The following LRP6 variants were observed in gnomAD, a reference collection of about 807,000 sequenced individuals.
The protein encoded by LRP6 is LDL receptor related protein 6, also known as low-density lipoprotein receptor-related protein 6.
Under a neutral mutation model 184.1 loss-of-function variants are expected in LRP6, and 43 were observed. That is an observed-to-expected ratio of 0.23 (90% CI 0.18 to 0.30). The LOEUF is 0.30. Ranked by LOEUF, LRP6 falls within the 10% of genes least tolerant of loss-of-function variation. The probability of loss-of-function intolerance (pLI) is 1.00; values close to 1 mark genes in which losing one functional copy is unlikely to be tolerated. For missense variants in LRP6, 1,571 were observed against 2,005.3 expected (o/e 0.78, Z 4.14); for synonymous variants, 719 against 684.9 (o/e 1.05, Z -0.78).
chr12:12,232,400 A>T (rs1049778197), intron 2 of LRP6, among the ~76,000 whole-genome samples: 6 of 151,548 alleles, frequency 4.0e-5, no homozygotes, highest in Admixed American at 1.3e-4. Context: ...AAAAAAAAAA[A>T]TTTAAGTGGT....
At chr12:12,159,264 T>A (rs1862681710) in intron 11 of LRP6, 109 bp from the exon 12 acceptor site, 1 of 781,424 alleles carries the variant, frequency 1.3e-6, no homozygotes, top group Admixed American at 2.5e-5. Context: ...ATATAAAACA[T>A]TACATTGTAA....
Position 12,196,528 on chromosome 12 carries a change from G to C in LRP6, c.647+6675C>G, listed in dbSNP as rs183106905. On this transcript the variant is annotated intron_variant, in intron 3 of 22. Transcript: ENST00000261349. The stretch of plus-strand genomic sequence containing the variant: ...GTTGTTTGTGTATAGAAATGCTACT[G>C]ATCTTTTTGTGTTGATTTTGTATCC... Among the ~76,000 whole-genome samples, 5 of 151,356 alleles carry C rather than the reference G, an allele frequency of 3.3e-5. No homozygotes were observed. The East Asian group carries it at 9.7e-4, about 29-fold the overall frequency.
Position 12,116,387 on chromosome 12 carries a change from TG to T in LRP6, c.*4738del, listed in dbSNP as rs1218870148. 6.6e-6 allele frequency: 1 copy of T among 152,242 alleles called. No individual in the cohort carries two copies. The highest frequency in any genetic ancestry group is 2.4e-5 in the African/African-American group (1 of 41,464). 9.4% of individuals were successfully genotyped at this position (152,242 alleles called of 1,614,324 possible). A position where few individuals can be genotyped will look rare whatever the true frequency, so the allele number is the denominator to read the frequency against. ...TAAGGCTAGTCCAGTTTAATCTTCT[TG>T]GTATCCTCTCTACTTTTTAACATTT... On this transcript the variant is annotated 3_prime_UTR_variant, in exon 23 of 23. Transcript: ENST00000261349.
chr12:12,228,387 A>G (rs535600946), intron 2 of LRP6, among the ~76,000 whole-genome samples: 3 of 152,274 alleles, frequency 2.0e-5, no homozygotes, highest in Admixed American at 2.0e-4. Flanking sequence ...AGAGAACCTA[A>G]CAGGAAGAGA....
rs1949587036 is a variant in LRP6, at chr12:12,120,230, A to G, written c.*896T>C. The G allele has an allele frequency of 6.6e-6, 1 of 151,754 alleles. No homozygotes were observed. The highest frequency in any genetic ancestry group is 1.5e-5 in the Non-Finnish European group (1 of 67,944). 9.4% of individuals were successfully genotyped at this position (151,754 alleles called of 1,614,324 possible). ...TGTCTAACTTTTGATCATTATGCAA[A>G]AACAGCAGTCAAATTGAAGAGCTAA... On this transcript the variant is annotated 3_prime_UTR_variant, in exon 23 of 23. Transcript: ENST00000261349.
At position 12,120,074 on chromosome 12, in the gene LRP6, G is replaced by C. The variant is rs1349296499; in HGVS notation, c.*1052C>G. The C allele has an allele frequency of 7.7e-6, 1 of 130,046 alleles. No homozygotes were observed. The highest frequency in any genetic ancestry group is 2.9e-5 in the African/African-American group (1 of 34,110). The allele number at this position is 130,046 out of a possible 1,614,324, so 8.1% of individuals were successfully genotyped here. On this transcript the variant is annotated 3_prime_UTR_variant, in exon 23 of 23. Transcript: ENST00000261349. The stretch of plus-strand genomic sequence containing the variant: ...TTTCGTACTGTGATATATGCTGAAA[G>C]TAGTGCAAGGATATGAGATTTACAA...
At chr12:12,207,528 A>T (rs1864095753) in intron 2 of LRP6, among the ~76,000 whole-genome samples, 1 of 151,928 alleles carries the variant, frequency 6.6e-6, no homozygotes, top group African/African-American at 2.4e-5. Context: ...AAAAATAATA[A>T]TAATAATATT....
intron 2 of LRP6, among the ~76,000 whole-genome samples, chr12:12,232,476 C>G (rs1471310035): frequency 1.3e-5 from 2 of 150,736 alleles, no homozygotes; most frequent in East Asian, 2.0e-4. Context: ...AATATGCCCC[C>G]AAGTCATTCA....
At chr12:12,217,985 A>G (rs1253467925) in intron 2 of LRP6, among the ~76,000 whole-genome samples, 1 of 152,232 alleles carries the variant, frequency 6.6e-6, no homozygotes, top group Non-Finnish European at 1.5e-5. Context: ...TCACAGATAT[A>G]ACACTAAAAC....
rs771517297 is a variant in LRP6 at position 12,165,239 on chromosome 12, G to T, written c.1602C>A (p.His534Gln). Residue 534 changes from histidine to glutamine, a missense_variant, in exon 8 of 23, where the codon CAC becomes CAA. His to Gln is a conservative substitution (Grantham distance 24). Around this residue, in one of 4 missense-constraint regions of LRP6, gnomAD observed 640 missense variants for 851.9 expected, o/e 0.75. Coordinates refer to ENST00000261349, the MANE Select transcript of LRP6 (RefSeq NM_002336.3). Reference protein sequence around the residue: ...RRVLVEDKIPHIFGFTLLGDY... With the variant: ...RRVLVEDKIPQIFGFTLLGDY... ...CACCCAACAAAGTAAATCCAAATAT[G>T]TGAGGAATTTTGTCTTCCACTAGTA... 6.2e-7 allele frequency: 1 copy of T among 1,614,106 alleles called. No homozygotes were observed. The highest frequency in any genetic ancestry group is 1.7e-5 in the Admixed American group (1 of 60,022).
rs1389789131 is a variant in LRP6 at position 12,266,369 on chromosome 12, G to A, written c.55+312C>T. Among the ~76,000 whole-genome samples the A allele has an allele frequency of 2.0e-5, 3 of 152,152 alleles. No homozygotes were observed. In the East Asian group the frequency reaches 5.8e-4, roughly 29 times the overall value. ...CCTTTTCCCTGGAAGACCCCAGGCA[G>A]AGAGAGGCACACAGACACTCAGTCA... is the stretch of plus-strand genomic sequence containing the variant. On this transcript the variant is annotated intron_variant, in intron 1 of 22. Transcript: ENST00000261349.
chr12:12,124,911 A>G (rs927101902), intron 21 of LRP6, among the ~76,000 whole-genome samples: 2 of 152,216 alleles, frequency 1.3e-5, no homozygotes, highest in African/African-American at 4.8e-5. Flanking sequence ...ATCATTGGTC[A>G]GTACATTTAG....
chr12:12,206,625 A>G (rs1162321857), intron 2 of LRP6, among the ~76,000 whole-genome samples: 1 of 149,312 alleles, frequency 6.7e-6, no homozygotes, highest in African/African-American at 2.5e-5. Flanking sequence ...ATTAAAGGTG[A>G]TGGCCAGGTA....
rs149902055 is a variant in LRP6 at position 12,122,414 on chromosome 12, C to T, written c.4548-994G>A. 3.2e-3 allele frequency among the ~76,000 whole-genome samples: 481 copies of T among 152,262 alleles called. 3 individuals carry two copies. Among genetic ancestry groups the T allele is most frequent in the African/African-American group, 0.01 (426 of 41,548 alleles). On this transcript the variant is annotated intron_variant, in intron 22 of 22. Transcript: ENST00000261349. ...GAGAAGGGGAAAACCAAGTTAAAAA[C>T]TGATACAACGATTCATAAAACACCT...
chr12:12,244,441 A>G lies in LRP6; in HGVS notation c.270T>C (p.Val90=). ...FNKTESVQNV[V]VSGLLSPDGL... Reference sequence around the variant, plus strand: ...CATCGGGGGACAATAATCCAGAAACAACAACATTCTGCACACTCTCAGTTT... The same window carrying G: ...CATCGGGGGACAATAATCCAGAAACGACAACATTCTGCACACTCTCAGTTT... The change falls in exon 2 of 23, where the codon GTT becomes GTC. Residue 90 remains valine, a synonymous_variant. Transcript: ENST00000261349. The G allele has an allele frequency of 6.2e-7, 1 of 1,614,196 alleles. No individual in the cohort carries two copies. Among genetic ancestry groups the G allele is most frequent in the Non-Finnish European group, 8.5e-7 (1 of 1,180,024 alleles).
chr12:12,183,896 C>G, intron 5 of LRP6, 84 bp downstream of exon 5: 1 of 1,273,142 alleles, frequency 7.9e-7, no homozygotes, highest in Non-Finnish European at 1.1e-6. Flanking sequence ...AGCAGTATAA[C>G]CTAGAGAGCT....
intron 1 of LRP6, among the ~76,000 whole-genome samples, chr12:12,255,907 C>A (rs1476735181): frequency 6.6e-6 from 1 of 152,018 alleles, no homozygotes; most frequent in African/African-American, 2.4e-5. Flanking sequence ...AGTACTATGA[C>A]AAACTACCTA....
chr12:12,131,096 C>CTTTTTTTTTTTTTTTTT (rs1949746766), intron 18 of LRP6, among the ~76,000 whole-genome samples: 1 of 105,350 alleles, frequency 9.5e-6, no homozygotes, highest in African/African-American at 3.4e-5. Flanking sequence ...AATTTCCTAA[C>CTTTTTTTTTTTTTTTTT]ATTTTTTTTT....
intron 7 of LRP6, among the ~76,000 whole-genome samples, chr12:12,168,550 A>G (rs981622116): frequency 6.6e-6 from 1 of 152,232 alleles, no homozygotes; most frequent in African/African-American, 2.4e-5. Flanking sequence ...TTCCAGGATA[A>G]GGAGAATTAC....
Sources: gnomAD v4.1 joint callset for allele counts (sites outside exome capture counted in the v4.1 genomes callset) on GRCh38, gnomAD v4.1.1 for gene constraint, gnomAD v4.1.1 regional missense constraint, MANE v1.5 for transcripts, NCBI Gene and HGNC (gene_info 2026-07-23, HGNC 2026-07-21) for gene names.